Variants in CFAP70 observed in about 807,000 individuals in gnomAD.
CFAP70 encodes cilia and flagella associated protein 70.
Under a neutral mutation model 137.6 loss-of-function variants are expected in CFAP70, and 81 were observed. The observed-to-expected ratio is 0.59, with a 90% CI of 0.49 to 0.71. The LOEUF (loss-of-function observed/expected upper bound fraction) is 0.71, where lower values mean the gene tolerates loss of function less well. Among genes scored for constraint, CFAP70 ranks in the 30% least tolerant of loss-of-function variants. CFAP70 has a pLI of 0.00. For missense variants in CFAP70, 976 were observed against 1,226.7 expected (o/e 0.80, Z 3.05); for synonymous variants, 382 against 423.6 (o/e 0.90, Z 1.20).
rs1178416374 is a variant in CFAP70 at position 73,310,084 on chromosome 10, C to T, written c.1256+74G>A. 17 of 909,128 alleles carry T rather than the reference C, an allele frequency of 1.9e-5. No homozygotes were observed. The East Asian group carries it at 4.2e-4, about 23-fold the overall frequency. 56.3% of individuals were successfully genotyped at this position (909,128 alleles called of 1,614,324 possible). On this transcript the variant is annotated intron_variant, in intron 12 of 26. Coordinates refer to ENST00000310715, the Ensembl canonical transcript of CFAP70. Reference sequence around the variant, plus strand: ...TGCTTAGCCCAAGGGAAATTACAATCGTGGGGACAATCTGACTTCCTCTTA... The same window carrying T: ...TGCTTAGCCCAAGGGAAATTACAATTGTGGGGACAATCTGACTTCCTCTTA...
At chr10:73,341,300 CA>C in intron 6 of CFAP70, 98 bp downstream of exon 7, 1 of 1,057,540 alleles carries the variant, frequency 9.5e-7, no homozygotes, top group Non-Finnish European at 1.4e-6. Flanking sequence ...AGTATTTCGA[CA>C]GGTGACAAAT....
chr10:73,336,233 T>C (rs1236297327), intron 6 of CFAP70, among the ~76,000 whole-genome samples: 7 of 152,172 alleles, frequency 4.6e-5, no homozygotes, highest in Admixed American at 1.3e-4. Flanking sequence ...GCCATTGTCA[T>C]TGTTTTAAAC....
chr10:73,335,090 G>GTTTTTTTTTTTTTT (rs1230846924), intron 7 of CFAP70, among the ~76,000 whole-genome samples: 1 of 145,118 alleles, frequency 6.9e-6, no homozygotes, highest in African/African-American at 2.6e-5. Flanking sequence ...TGTGAGCCAG[G>GTTTTTTTTTTTTTT]GTCTTACTTT....
chr10:73,317,870 C>T (rs375257879), intron 9 of CFAP70, among the ~76,000 whole-genome samples: 7 of 152,112 alleles, frequency 4.6e-5, no homozygotes, highest in African/African-American at 7.2e-5. Flanking sequence ...GTTAGGGTCA[C>T]GGGGTAGATC....
intron 12 of CFAP70, among the ~76,000 whole-genome samples, chr10:73,304,508 A>C (rs1589416831): frequency 6.6e-6 from 1 of 152,210 alleles, no homozygotes; most frequent in South Asian, 2.1e-4. Flanking sequence ...TATGTGTAAA[A>C]ATGTTTCACT....
At chr10:73,321,717 GTTCA>G (rs2050868670) in intron 9 of CFAP70, among the ~76,000 whole-genome samples, 1 of 151,752 alleles carries the variant, frequency 6.6e-6, no homozygotes, top group Non-Finnish European at 1.5e-5. Flanking sequence ...TCATATTCTA[GTTCA>G]TTAATTACCA....
chr10:73,266,498 T>G (rs2077681831), intron 25 of CFAP70, among the ~76,000 whole-genome samples: 1 of 152,178 alleles, frequency 6.6e-6, no homozygotes, highest in Non-Finnish European at 1.5e-5. Flanking sequence ...GAACCTCCAG[T>G]ATAGTTTCAA....
intron 24 of CFAP70, 49 bp from the exon 26 acceptor site, chr10:73,269,764 G>T: frequency 8.7e-7 from 1 of 1,153,108 alleles, no homozygotes. Context: ...AAACCACTAT[G>T]TCCCAATAAT....
At chr10:73,272,230 G>A (rs1181627749) in intron 24 of CFAP70, among the ~76,000 whole-genome samples, 1 of 152,076 alleles carries the variant, frequency 6.6e-6, no homozygotes. Flanking sequence ...AGCTACTCAG[G>A]AGGCTGAGGC....
chr10:73,349,538 G>A (rs549375017), intron 3 of CFAP70, among the ~76,000 whole-genome samples: 84 of 148,234 alleles, frequency 5.7e-4, no homozygotes, highest in Middle Eastern at 6.9e-3. Context: ...GCGAGACTCC[G>A]TCTCAAAAAA....
At chr10:73,309,353 C>CGT (rs1455168839) in intron 12 of CFAP70, among the ~76,000 whole-genome samples, 1 of 151,844 alleles carries the variant, frequency 6.6e-6, no homozygotes, top group East Asian at 1.9e-4. Flanking sequence ...ATGTAACATG[C>CGT]GTGTGTGTGT....
Position 73,351,069 on chromosome 10 carries a change from GTGTATATATATATA to G in CFAP70, c.250+2473_250+2486del, listed in dbSNP as rs1335518171. Among the ~76,000 whole-genome samples, 296 of 50,542 alleles carry G rather than the reference GTGTATATATATATA, an allele frequency of 5.9e-3. 4 individuals are homozygous for G. Among genetic ancestry groups the G allele is most frequent in the African/African-American group, 0.021 (255 of 11,952 alleles). The allele number at this position is 50,542 out of a possible 152,430, so 33.2% of individuals were successfully genotyped here. ...TATGTGTGTGTGTGTGTGTGTGTGT[GTGTATATATATATA>G]TATATATATATATATATATATATAT... On this transcript the variant is annotated intron_variant, in intron 3 of 26. Coordinates refer to ENST00000310715, the Ensembl canonical transcript of CFAP70.
intron 9 of CFAP70, among the ~76,000 whole-genome samples, chr10:73,320,526 G>A (rs1356902476): frequency 6.6e-6 from 1 of 151,870 alleles, no homozygotes; most frequent in Non-Finnish European, 1.5e-5. Flanking sequence ...ATAGGGTCCT[G>A]CTATTTTGCC....
chr10:73,354,328 T>C (rs1305756047), intron 2 of CFAP70, among the ~76,000 whole-genome samples: 3 of 152,242 alleles, frequency 2.0e-5, no homozygotes, highest in Non-Finnish European at 4.4e-5. Context: ...CTTTTTAAAC[T>C]TAATATACTG....
intron 12 of CFAP70, among the ~76,000 whole-genome samples, chr10:73,303,982 G>A (rs1041421204): frequency 3.3e-5 from 5 of 151,902 alleles, no homozygotes; most frequent in East Asian, 1.9e-4. Flanking sequence ...TATTTAATGC[G>A]GCCTTCCTTT....
chr10:73,287,888 T>TATCTATCTA (rs1554888006), intron 19 of CFAP70, among the ~76,000 whole-genome samples: 34 of 151,964 alleles, frequency 2.2e-4, no homozygotes, highest in African/African-American at 7.2e-4. Flanking sequence ...TCTATCTATC[T>TATCTATCTA]ATCTATCTAT....
chr10:73,304,114 T>C (rs1278118026), intron 12 of CFAP70, among the ~76,000 whole-genome samples: 1 of 152,070 alleles, frequency 6.6e-6, no homozygotes, highest in African/African-American at 2.4e-5. Context: ...TGGAGTGCAA[T>C]GGCATGATCT....
At chr10:73,282,407 C>G (rs546589017) in intron 19 of CFAP70, among the ~76,000 whole-genome samples, 1 of 152,118 alleles carries the variant, frequency 6.6e-6, no homozygotes, top group Non-Finnish European at 1.5e-5. Context: ...TATCATAGTC[C>G]CAGGCGGGCC....
intron 20 of CFAP70, among the ~76,000 whole-genome samples, 199 bp from the exon 22 acceptor site, chr10:73,277,560 A>G (rs1333506907): frequency 1.3e-5 from 2 of 152,152 alleles, no homozygotes; most frequent in Non-Finnish European, 2.9e-5. Flanking sequence ...TAAAAATACA[A>G]AAATTATCTG....
Sources: allele counts gnomAD v4.1 joint callset (sites outside exome capture counted in the v4.1 genomes callset), GRCh38; gene constraint gnomAD v4.1.1; transcripts MANE v1.5; gene names NCBI Gene and HGNC (gene_info 2026-07-23, HGNC 2026-07-21).